Variants in NMNAT2 observed in about 807,000 individuals in gnomAD.
NMNAT2 encodes nicotinamide/nicotinic acid mononucleotide adenylyltransferase 2.
Under a neutral mutation model 41.6 loss-of-function variants are expected in NMNAT2, and 11 were observed. That is an observed-to-expected ratio of 0.26 (90% CI 0.17 to 0.44). The LOEUF (loss-of-function observed/expected upper bound fraction) is 0.44. Ranked by LOEUF, NMNAT2 falls within the 20% of genes least tolerant of loss-of-function variation. The probability of loss-of-function intolerance (pLI) is 1.00; values close to 1 mark genes in which losing one functional copy is unlikely to be tolerated. For synonymous variants in NMNAT2, 148 were observed against 151.2 expected, an observed-to-expected ratio of 0.98 and a Z score of 0.16; for missense variants, 288 against 407.7, an observed-to-expected ratio of 0.71 and a Z score of 2.53.
chr1:183,320,499 G>A (rs1043646889), intron 1 of NMNAT2, among the ~76,000 whole-genome samples: 8 of 152,246 alleles, frequency 5.3e-5, no homozygotes, highest in South Asian at 2.1e-4. Flanking sequence ...CCAGCTACTC[G>A]GGAGGCTGAG....
At chr1:183,405,265 C>G (rs1648922708) in intron 1 of NMNAT2, among the ~76,000 whole-genome samples, 1 of 151,894 alleles carries the variant, frequency 6.6e-6, no homozygotes, top group South Asian at 2.1e-4. Flanking sequence ...CAATAGGATT[C>G]TAGGATTTGC....
intron 10 of NMNAT2, among the ~76,000 whole-genome samples, chr1:183,255,545 C>A (rs1181502990): frequency 6.6e-6 from 1 of 152,042 alleles, no homozygotes; most frequent in African/African-American, 2.4e-5. Context: ...CTTTTCTGAT[C>A]CATGAGCATG....
intron 2 of NMNAT2, 55 bp downstream of exon 2, chr1:183,293,650 G>A (rs1371079304): frequency 1.5e-6 from 2 of 1,312,274 alleles, no homozygotes; most frequent in African/African-American, 2.9e-5. Context: ...GAACTATCAG[G>A]CCAGGGATGG....
intron 10 of NMNAT2, among the ~76,000 whole-genome samples, chr1:183,256,679 GTGT>G (rs1660523158): frequency 6.6e-6 from 1 of 152,180 alleles, no homozygotes; most frequent in Non-Finnish European, 1.5e-5. Context: ...GCTTCATGTT[GTGT>G]TGTTGAATTC....
intron 1 of NMNAT2, among the ~76,000 whole-genome samples, chr1:183,353,475 A>C (rs1293984684): frequency 1.3e-5 from 2 of 152,130 alleles, no homozygotes; most frequent in Admixed American, 6.5e-5. Flanking sequence ...CTAGTAGAAA[A>C]TCTCACTCCA....
chr1:183,269,158 C>T (rs934033290), intron 8 of NMNAT2, among the ~76,000 whole-genome samples: 4 of 152,118 alleles, frequency 2.6e-5, no homozygotes, highest in East Asian at 3.8e-4. Flanking sequence ...TTGAAACCTA[C>T]GTGATACGAA....
At chr1:183,397,018 A>G (rs1031428312) in intron 1 of NMNAT2, among the ~76,000 whole-genome samples, 5 of 152,230 alleles carry the variant, frequency 3.3e-5, no homozygotes, top group Admixed American at 2.6e-4. Context: ...TGTGACCTCC[A>G]GAGTCAAAGC....
intron 1 of NMNAT2, among the ~76,000 whole-genome samples, chr1:183,341,747 A>AAAAAAAAAAAAAAAAAAAAAAAAAAAT (rs55690735): frequency 7.0e-6 from 1 of 143,026 alleles, no homozygotes. Context: ...AAAAAAAAAA[A>AAAAAAAAAAAAAAAAAAAAAAAAAAAT]CCTGTTTCCT....
intron 1 of NMNAT2, among the ~76,000 whole-genome samples, chr1:183,405,548 T>C (rs901628843): frequency 6.6e-6 from 1 of 152,224 alleles, no homozygotes; most frequent in Non-Finnish European, 1.5e-5. Flanking sequence ...CAAGGTCATT[T>C]AGCCACTTAC....
chr1:183,394,681 G>A (rs1183595561), intron 1 of NMNAT2, among the ~76,000 whole-genome samples: 2 of 152,162 alleles, frequency 1.3e-5, no homozygotes, highest in African/African-American at 2.4e-5. Context: ...AGTGGCTAAA[G>A]TTGCCTCTTC....
chr1:183,401,098 A>G (rs1396661299), intron 1 of NMNAT2, among the ~76,000 whole-genome samples: 1 of 152,252 alleles, frequency 6.6e-6, no homozygotes, highest in Non-Finnish European at 1.5e-5. Flanking sequence ...TCTGCACAGC[A>G]AAAGAAACTG....
chr1:183,254,409 C>A (rs918806834), intron 10 of NMNAT2, among the ~76,000 whole-genome samples: 1 of 150,682 alleles, frequency 6.6e-6, no homozygotes, highest in Non-Finnish European at 1.5e-5. Context: ...CTACTCAAAT[C>A]TTCTGGTGTT....
intron 8 of NMNAT2, among the ~76,000 whole-genome samples, chr1:183,278,112 C>A (rs1421418235): frequency 6.6e-6 from 1 of 152,182 alleles, no homozygotes; most frequent in African/African-American, 2.4e-5. Context: ...ATCCTGCTGA[C>A]CTCTTGCCAT....
chr1:183,414,241 A>G (rs371700343), intron 1 of NMNAT2, among the ~76,000 whole-genome samples: 1 of 152,254 alleles, frequency 6.6e-6, no homozygotes, highest in Non-Finnish European at 1.5e-5. Flanking sequence ...CAGCCTGGGC[A>G]ACAGAGCAAG....
At chr1:183,311,440 A>G (rs1342226463) in intron 1 of NMNAT2, among the ~76,000 whole-genome samples, 1 of 152,182 alleles carries the variant, frequency 6.6e-6, no homozygotes, top group African/African-American at 2.4e-5. Flanking sequence ...GTATTAGGTA[A>G]TAATTAGGTA....
chr1:183,298,944 T>C (rs141889200), intron 1 of NMNAT2, among the ~76,000 whole-genome samples: 289 of 152,354 alleles, frequency 1.9e-3, no homozygotes, highest in Non-Finnish European at 2.7e-3. Context: ...TGGAAAGTTA[T>C]AGGAGCTAGA....
At chr1:183,326,416 A>G (rs1198220191) in intron 1 of NMNAT2, among the ~76,000 whole-genome samples, 1 of 150,588 alleles carries the variant, frequency 6.6e-6, no homozygotes, top group African/African-American at 2.4e-5. Context: ...GGGGAAGAGA[A>G]CTATTTAGAT....
chr1:183,353,367 A>G (rs1343876432), intron 1 of NMNAT2, among the ~76,000 whole-genome samples: 1 of 152,190 alleles, frequency 6.6e-6, no homozygotes, highest in Admixed American at 6.5e-5. Context: ...TCTTTCCGAA[A>G]CAGTCAGTAG....
chr1:183,310,425 T>C (rs887541900), intron 1 of NMNAT2, among the ~76,000 whole-genome samples: 8 of 152,210 alleles, frequency 5.3e-5, no homozygotes, highest in Non-Finnish European at 8.8e-5. Context: ...TAATTATTCC[T>C]CTTTCCTTCA....
Sources: allele counts gnomAD v4.1 joint callset (sites outside exome capture counted in the v4.1 genomes callset), GRCh38; gene constraint gnomAD v4.1.1; transcripts MANE v1.5; gene names NCBI Gene and HGNC (gene_info 2026-07-23, HGNC 2026-07-21).